The following USP26 variants were observed in gnomAD, a reference collection of about 807,000 sequenced individuals.
The protein encoded by USP26 is ubiquitin specific peptidase 26.
For missense variants in USP26, 649 were observed against 642.3 expected (o/e 1.01, Z -0.11); for synonymous variants, 236 against 240.6 (o/e 0.98, Z 0.18).
At chrX:133,080,602 G>T (rs960328102) in intron 5 of USP26, among the ~76,000 whole-genome samples, 9 of 111,018 alleles carry the variant, frequency 8.1e-5, no homozygotes. Context: ...TTTTTCACAG[G>T]CCCAAAAGAA....
rs187859353 is a variant in USP26, at chrX:133,033,441, A to G, written c.-76-5145T>C. On this transcript the variant is annotated intron_variant, in intron 5 of 5. Coordinates refer to ENST00000511190, the MANE Select transcript of USP26 (RefSeq NM_031907.3). The stretch of plus-strand genomic sequence containing the variant: ...TTCTCTAGACTAGCAAATTGTTCCC[A>G]TGAACTATTCAAGTTTGAACCCTTT... 8.0e-5 allele frequency among the ~76,000 whole-genome samples: 9 copies of G among 112,546 alleles called. No homozygotes were observed. The East Asian group carries it at 2.5e-3, about 32-fold the overall frequency.
chrX:133,072,955 A>G (rs1254601044), intron 5 of USP26, among the ~76,000 whole-genome samples: 5 of 112,383 alleles, frequency 4.4e-5, no homozygotes. Context: ...ATGATTTGGA[A>G]TACAGTTTTC....
chrX:133,028,093 T>C lies in USP26; in HGVS notation c.128A>G (p.Lys43Arg), dbSNP rs2067362146. ...KKKDRLVLYFKSGKYSTFRLS... is the reference protein window; with the variant it reads ...KKKDRLVLYFRSGKYSTFRLS... ...CCGAAAAGTGCTATATTTTCCACTT[T>C]TGAAATACAGCACCAGTCTATCTTT... is the stretch of plus-strand genomic sequence containing the variant. Residue 43 changes from lysine (K) to arginine (R), a missense_variant, in exon 6 of 6, where the codon AAA (lysine) becomes AGA (arginine). Coordinates refer to ENST00000511190, the MANE Select transcript of USP26 (RefSeq NM_031907.3). 14 of 1,209,766 alleles carry C rather than the reference T, an allele frequency of 1.2e-5. No individual in the cohort carries two copies. The South Asian group carries it at 1.4e-4, about 12-fold the overall frequency.
At chrX:133,066,695 T>A (rs1359334779) in intron 5 of USP26, among the ~76,000 whole-genome samples, 3 of 112,016 alleles carry the variant, frequency 2.7e-5, no homozygotes, top group Non-Finnish European at 5.6e-5. Context: ...AGTGAATCCC[T>A]TCCTTCCACC....
intron 5 of USP26, among the ~76,000 whole-genome samples, chrX:133,072,318 C>T (rs747769667): frequency 2.7e-5 from 3 of 112,122 alleles, no homozygotes; most frequent in African/African-American, 9.7e-5. Context: ...TGTATGCATG[C>T]GCATGCACGG....
intron 1 of USP26, among the ~76,000 whole-genome samples, chrX:133,092,329 C>T (rs778117273): frequency 1.8e-5 from 2 of 111,895 alleles, no homozygotes; most frequent in Non-Finnish European, 1.9e-5. Context: ...GTGAAAAAGA[C>T]TCATACAGGA....
chrX:133,033,625 T>C (rs953572131), intron 5 of USP26, among the ~76,000 whole-genome samples: 14 of 112,730 alleles, frequency 1.2e-4, no homozygotes, highest in African/African-American at 4.5e-4. Context: ...TAAGAAAGCA[T>C]GTATTTGTTA....
intron 5 of USP26, among the ~76,000 whole-genome samples, chrX:133,035,727 A>T (rs2067393914): frequency 8.9e-6 from 1 of 112,010 alleles, no homozygotes; most frequent in African/African-American, 3.3e-5. Context: ...AGACATCCAA[A>T]TCTTACAGAC....
intron 5 of USP26, among the ~76,000 whole-genome samples, chrX:133,073,883 C>G (rs758746791): frequency 1.8e-5 from 2 of 111,182 alleles, no homozygotes; most frequent in Non-Finnish European, 3.8e-5. Context: ...GCATGGTCAC[C>G]GAGATTCCTG....
At chrX:133,043,990 A>G (rs998820803) in intron 5 of USP26, among the ~76,000 whole-genome samples, 1 of 112,318 alleles carries the variant, frequency 8.9e-6, no homozygotes, top group African/African-American at 3.2e-5. Flanking sequence ...TCCACAAGTG[A>G]GCAGATGGTT....
chrX:133,025,898 G>A lies in USP26; in HGVS notation c.2323C>T (p.Pro775Ser), dbSNP rs1473145797. 1 of 1,210,914 alleles carries A rather than the reference G, an allele frequency of 8.3e-7. No homozygotes were observed. ...GACTTCTGTAGATTTAATTTTGTAG[G>A]TCTTAGGAGGTTCTTTGTGTGCCCC... ...TQGHTKNLLR[P>S]TKLNLQKSNR... Residue 775 changes from proline (P) to serine (S), a missense_variant, in exon 6 of 6, where the codon CCT becomes TCT. Transcript: ENST00000511190.
intron 5 of USP26, among the ~76,000 whole-genome samples, chrX:133,073,355 AAAC>A (rs1179445212): frequency 9.2e-6 from 1 of 108,551 alleles, no homozygotes; most frequent in African/African-American, 3.4e-5. Flanking sequence ...AAAAAAAAAA[AAAC>A]CACTTTTCTC....
At chrX:133,075,339 C>T (rs1050190361) in intron 5 of USP26, among the ~76,000 whole-genome samples, 2 of 112,416 alleles carry the variant, frequency 1.8e-5, no homozygotes, top group South Asian at 3.7e-4. Context: ...TTCTTTGCCA[C>T]GTGTTTTCAC....
chrX:133,060,380 A>G (rs1321458227), intron 5 of USP26, among the ~76,000 whole-genome samples: 1 of 111,950 alleles, frequency 8.9e-6, no homozygotes, highest in African/African-American at 3.2e-5. Context: ...TTTTACTTAA[A>G]TGTTATTTTT....
Position 133,025,763 on chromosome X carries a change from C to T in USP26, c.2458G>A (p.Gly820Arg), listed in dbSNP as rs747425926. The change falls in exon 6 of 6, where the codon GGA (glycine) becomes AGA (arginine). Residue 820 changes from glycine to arginine, a missense_variant. Transcript: ENST00000511190. ...CTAATGAGCCGGTAGGTATGATCTC[C>T]CTTATCATCATTTCTTTTTGTTTCC... ...AKETKRNDDK[G>R]DHTYRLISVV... The T allele has an allele frequency of 1.7e-6, 2 of 1,207,704 alleles. No homozygotes were observed. Among genetic ancestry groups the T allele is most frequent in the African/African-American group, 1.8e-5 (1 of 57,032 alleles).
At chrX:133,068,710 A>AG (rs1713282790) in intron 5 of USP26, among the ~76,000 whole-genome samples, 1 of 112,698 alleles carries the variant, frequency 8.9e-6, no homozygotes, top group Admixed American at 9.4e-5. Context: ...GGATGAGTCC[A>AG]TTATCTGGAG....
chrX:133,089,571 T>C (rs2148538374), intron 4 of USP26, among the ~76,000 whole-genome samples: 1 of 111,490 alleles, frequency 9.0e-6, no homozygotes, highest in East Asian at 2.8e-4. Flanking sequence ...GTATAATCTA[T>C]GAGGAATGTG....
At chrX:133,037,333 T>C (rs968462905) in intron 5 of USP26, among the ~76,000 whole-genome samples, 22 of 112,370 alleles carry the variant, frequency 2.0e-4, no homozygotes, top group African/African-American at 7.1e-4. Flanking sequence ...CTTTAATCCA[T>C]CTTGAGTTAA....
intron 5 of USP26, among the ~76,000 whole-genome samples, chrX:133,032,129 A>C: frequency 9.0e-6 from 1 of 111,260 alleles, no homozygotes; most frequent in Non-Finnish European, 1.9e-5. Flanking sequence ...AGCCTGGGCA[A>C]CAGAGCGAAA....
Sources: allele counts gnomAD v4.1 joint callset (sites outside exome capture counted in the v4.1 genomes callset), GRCh38; gene constraint gnomAD v4.1.1; transcripts MANE v1.5; gene names NCBI Gene and HGNC (gene_info 2026-07-23, HGNC 2026-07-21).